UNC5A: variants seen among roughly 807,000 people sequenced by gnomAD.
UNC5A encodes unc-5 netrin receptor A.
Under a neutral mutation model 87.4 loss-of-function variants are expected in UNC5A, and 20 were observed. The ratio of observed to expected loss-of-function variants is 0.23; its 90% CI spans 0.16 to 0.33. UNC5A has a LOEUF of 0.33. UNC5A is among the 10% of genes least tolerant of loss of function. The pLI is 1.00. For synonymous variants in UNC5A, 438 were observed against 482.3 expected (o/e 0.91, Z 1.20); for missense variants, 844 against 1,133.4 (o/e 0.74, Z 3.67).
chr5:176,858,037 T>C (rs1231061977), intron 1 of UNC5A, among the ~76,000 whole-genome samples: 1 of 152,186 alleles, frequency 6.6e-6, no homozygotes, highest in Admixed American at 6.5e-5. Flanking sequence ...CCTGGCAGTG[T>C]TCTCACACGC....
chr5:176,820,048 G>A (rs1756691038), intron 1 of UNC5A, among the ~76,000 whole-genome samples: 1 of 152,210 alleles, frequency 6.6e-6, no homozygotes, highest in Admixed American at 6.5e-5. Flanking sequence ...GGATCACGAG[G>A]TCAGGAGATC....
chr5:176,815,781 G>T (rs368109789), intron 1 of UNC5A, among the ~76,000 whole-genome samples: 3 of 152,162 alleles, frequency 2.0e-5, no homozygotes, highest in African/African-American at 4.8e-5. Context: ...CCCAGGCAGG[G>T]GCCCCTTCTG....
At chr5:176,853,373 G>A (rs1410193395) in intron 1 of UNC5A, among the ~76,000 whole-genome samples, 1 of 152,170 alleles carries the variant, frequency 6.6e-6, no homozygotes, top group African/African-American at 2.4e-5. Flanking sequence ...CGGTGCCCCT[G>A]CCCAGAGTAG....
At chr5:176,851,932 T>A (rs1349501230) in intron 1 of UNC5A, among the ~76,000 whole-genome samples, 1 of 152,184 alleles carries the variant, frequency 6.6e-6, no homozygotes, top group Non-Finnish European at 1.5e-5. Context: ...TCGGGTGATC[T>A]GCCCCGGCTC....
intron 1 of UNC5A, among the ~76,000 whole-genome samples, chr5:176,830,380 TGTG>T (rs1365876578): frequency 6.8e-6 from 1 of 147,296 alleles, no homozygotes; most frequent in African/African-American, 2.5e-5. Flanking sequence ...GTGTGTGTGT[TGTG>T]CGTGTGTGTG....
chr5:176,849,665 C>T (rs988251603), intron 1 of UNC5A, among the ~76,000 whole-genome samples: 1 of 152,194 alleles, frequency 6.6e-6, no homozygotes, highest in Non-Finnish European at 1.5e-5. Context: ...CACCCAGCCC[C>T]TGAAGGCACT....
chr5:176,871,684 C>A (rs1344578529), intron 6 of UNC5A, among the ~76,000 whole-genome samples: 8 of 14,954 alleles, frequency 5.3e-4, no homozygotes, highest in Admixed American at 2.5e-3. Flanking sequence ...CCACAGCTTC[C>A]CATCTGCCCA....
rs530501472 is a variant in UNC5A, at chr5:176,841,681, G to C, written c.71-20943G>C. On this transcript the variant is annotated intron_variant, in intron 1 of 14. Coordinates refer to ENST00000329542, the MANE Select transcript of UNC5A (RefSeq NM_133369.3). The surrounding 1 kb of genome is among the most constrained non-coding windows in gnomAD (Gnocchi z 4.1). ...TATGCCCCAGCAATCCCTCTCTCTAGAGAAGTCCCACTCCCAAGAGAAGTA... is the reference window on the plus strand; with the variant it reads ...TATGCCCCAGCAATCCCTCTCTCTACAGAAGTCCCACTCCCAAGAGAAGTA... Among the ~76,000 whole-genome samples the C allele has an allele frequency of 6.6e-5, 10 of 152,278 alleles. No homozygotes were observed. In the South Asian group the frequency reaches 2.1e-3, roughly 32 times the overall value.
intron 1 of UNC5A, among the ~76,000 whole-genome samples, chr5:176,830,797 C>CAT (rs1756998002): frequency 9.4e-6 from 1 of 106,348 alleles, no homozygotes. Flanking sequence ...TGTGTGCTGG[C>CAT]ATGTGTGTGT....
chr5:176,867,131 G>C (rs564320006), intron 2 of UNC5A, among the ~76,000 whole-genome samples: 21 of 152,288 alleles, frequency 1.4e-4, no homozygotes, highest in African/African-American at 4.8e-4. Context: ...ATTGGCTGCC[G>C]GCCTCTCTCT....
At position 176,866,372 on chromosome 5, in the gene UNC5A, G is replaced by A. The variant is rs917708115; in HGVS notation, c.293-1758G>A. Among the ~76,000 whole-genome samples, 4 of 152,186 alleles carry A rather than the reference G, an allele frequency of 2.6e-5. No individual in the cohort carries two copies. The highest frequency in any genetic ancestry group is 9.7e-5 in the African/African-American group (4 of 41,444). ...AGCTGGCACATTGAGGACACACTTG[G>A]CCCTCACTCATGCAAGTGAGAGGGA... On this transcript the variant is annotated intron_variant, in intron 2 of 14. Coordinates refer to ENST00000329542, the MANE Select transcript of UNC5A (RefSeq NM_133369.3). This position sits in a 1 kb window ranked among gnomAD's most constrained non-coding sequence, Gnocchi z 5.0.
chr5:176,831,885 C>CTT (rs10580672), intron 1 of UNC5A, among the ~76,000 whole-genome samples: 48 of 27,690 alleles, frequency 1.7e-3, no homozygotes, highest in African/African-American at 2.7e-3. Context: ...TTCTCTCTCT[C>CTT]TTTTTTTTTT....
At chr5:176,870,303 T>C in intron 5 of UNC5A, 67 bp from the exon 6 acceptor site, 3 of 1,569,398 alleles carry the variant, frequency 1.9e-6, no homozygotes, top group Admixed American at 3.5e-5. Flanking sequence ...GGGGCCACAC[T>C]GGCAGACTGC....
chr5:176,878,426 G>A, intron 12 of UNC5A, 33 bp downstream of exon 12: 1 of 1,612,444 alleles, frequency 6.2e-7, no homozygotes, highest in East Asian at 2.2e-5. Flanking sequence ...GCGCACAAGA[G>A]GCCTGGAGCT....
chr5:176,811,613 T>TG (rs35582320), intron 1 of UNC5A, among the ~76,000 whole-genome samples: 12,651 of 152,230 alleles, frequency 0.083, 576 homozygotes, highest in Middle Eastern at 0.14. Context: ...GGGAGGGGCT[T>TG]GGGGGGAGGA....
intron 1 of UNC5A, among the ~76,000 whole-genome samples, chr5:176,814,463 C>G (rs1232422232): frequency 2.0e-5 from 3 of 152,164 alleles, no homozygotes; most frequent in African/African-American, 7.2e-5. Context: ...CCAGCATGCT[C>G]CCCACCCAAC....
At chr5:176,850,366 G>A (rs909403852) in intron 1 of UNC5A, among the ~76,000 whole-genome samples, 6 of 152,170 alleles carry the variant, frequency 3.9e-5, no homozygotes, top group African/African-American at 7.2e-5. Context: ...TAGAAATAGC[G>A]AGGTTGAGGA....
At chr5:176,834,487 G>A (rs1757100880) in intron 1 of UNC5A, among the ~76,000 whole-genome samples, 1 of 152,182 alleles carries the variant, frequency 6.6e-6, no homozygotes, top group Non-Finnish European at 1.5e-5. Context: ...GACCCTAAGG[G>A]GAAGAAAAAT....
chr5:176,850,750 G>A (rs1471967817), intron 1 of UNC5A, among the ~76,000 whole-genome samples: 1 of 152,190 alleles, frequency 6.6e-6, no homozygotes, highest in Non-Finnish European at 1.5e-5. Flanking sequence ...GGGTTTTCCT[G>A]TGGGCCATTG....
Sources: allele counts gnomAD v4.1 joint callset (sites outside exome capture counted in the v4.1 genomes callset), GRCh38; gene constraint gnomAD v4.1.1; non-coding constraint Gnocchi (gnomAD v3.1); transcripts MANE v1.5; gene names NCBI Gene and HGNC (gene_info 2026-07-23, HGNC 2026-07-21).